Variants in SMOC1 observed in about 807,000 individuals in gnomAD.
The protein encoded by SMOC1 is SPARC-related modular calcium-binding protein 1.
A neutral mutation model predicts 56.3 loss-of-function variants in SMOC1; 22 were observed. The ratio of observed to expected loss-of-function variants is 0.39; its 90% CI spans 0.28 to 0.56. The LOEUF is 0.56. Among genes scored for constraint, SMOC1 ranks in the 20% least tolerant of loss-of-function variants. SMOC1 has a pLI of 0.61. For missense variants in SMOC1, 509 were observed against 565.4 expected (o/e 0.90, Z 1.01); for synonymous variants, 193 against 215.0 (o/e 0.90, Z 0.89).
Position 69,927,413 on chromosome 14 carries a change from G to T in SMOC1, c.100-24725G>T, listed in dbSNP as rs563350336. ...ATGGTAGGAGGAGCCGGGCGTGGTGGCTCACACCTGTAATCCCAGCACTTT... is the reference window on the plus strand; with the variant it reads ...ATGGTAGGAGGAGCCGGGCGTGGTGTCTCACACCTGTAATCCCAGCACTTT... On this transcript the variant is annotated intron_variant, in intron 1 of 11. Transcript: ENST00000361956. Among the ~76,000 whole-genome samples, 10 of 152,328 alleles carry T rather than the reference G, an allele frequency of 6.6e-5. No homozygotes were observed. In the East Asian group the frequency reaches 1.2e-3, roughly 18 times the overall value.
chr14:69,947,642 G>C (rs186274130), intron 1 of SMOC1, among the ~76,000 whole-genome samples: 1 of 151,804 alleles, frequency 6.6e-6, no homozygotes, highest in African/African-American at 2.4e-5. Flanking sequence ...TGAAGACTAC[G>C]CTCCCTCCTC....
chr14:69,975,759 G>A lies in SMOC1; in HGVS notation c.423G>A (p.Pro141=), dbSNP rs149500882. Residue 141 remains proline (P), a synonymous_variant, in exon 4 of 12, where the codon CCG becomes CCA. Coordinates refer to ENST00000361956, the MANE Select transcript of SMOC1 (RefSeq NM_001034852.3). ...TYTGYCWCVT[P]DGKPISGSSV... ...CTGGGTACTGCTGGTGTGTCACCCC[G>A]GATGGGAAGCCCATCAGTGGCTCTT... is the stretch of plus-strand genomic sequence containing the variant. 2.5e-3 allele frequency: 4,047 copies of A among 1,613,032 alleles called. 6 individuals carry two copies. The highest frequency in any genetic ancestry group is 3.0e-3 in the Non-Finnish European group (3,597 of 1,179,970).
At chr14:69,994,114 C>A in intron 6 of SMOC1, 2 of 477,568 alleles carry the variant, frequency 4.2e-6, no homozygotes, top group Non-Finnish European at 7.7e-6. Flanking sequence ...ATGTTCCTTA[C>A]CTCCTGGGAT....
chr14:69,930,209 T>TCCCCTGACAG (rs1566677592), intron 1 of SMOC1, among the ~76,000 whole-genome samples: 22 of 129,152 alleles, frequency 1.7e-4, no homozygotes, highest in African/African-American at 9.1e-4. Flanking sequence ...AGCACCCTTC[T>TCCCCTGACAG]CACCCCCCTG....
intron 11 of SMOC1, among the ~76,000 whole-genome samples, chr14:70,024,256 T>C (rs1308113123): frequency 6.6e-6 from 1 of 152,070 alleles, no homozygotes; most frequent in Non-Finnish European, 1.5e-5. Flanking sequence ...CAGAGCATTG[T>C]AGCAACATAT....
intron 1 of SMOC1, chr14:69,886,197 T>A: frequency 1.2e-6 from 1 of 815,398 alleles, no homozygotes; most frequent in Non-Finnish European, 2.0e-6. Context: ...GGTCCACTTG[T>A]ATTCTAACTT....
chr14:69,953,870 C>A (rs892731050), intron 3 of SMOC1, among the ~76,000 whole-genome samples: 7 of 152,140 alleles, frequency 4.6e-5, no homozygotes, highest in Non-Finnish European at 7.4e-5. Flanking sequence ...TTTTCTTATT[C>A]CTGCCAGTTT....
At chr14:69,904,073 G>C (rs1042731369) in intron 1 of SMOC1, among the ~76,000 whole-genome samples, 6 of 152,186 alleles carry the variant, frequency 3.9e-5, no homozygotes, top group Admixed American at 3.3e-4. Context: ...GGTGAAACCA[G>C]CAGGTGGATG....
chr14:70,020,274 G>A (rs1357114891), intron 10 of SMOC1, among the ~76,000 whole-genome samples: 1 of 152,014 alleles, frequency 6.6e-6, no homozygotes, highest in African/African-American at 2.4e-5. Flanking sequence ...TCTTTGTGTA[G>A]GCTCTCAGAG....
At chr14:70,023,145 G>A (rs1390186523) in intron 10 of SMOC1, 58 bp from the exon 11 acceptor site, 1 of 1,612,652 alleles carries the variant, frequency 6.2e-7, no homozygotes, top group Non-Finnish European at 8.5e-7. Context: ...AGGGCTGATG[G>A]TTCCTGCAAG....
intron 1 of SMOC1, among the ~76,000 whole-genome samples, chr14:69,942,907 A>C (rs970241734): frequency 2.0e-5 from 3 of 152,116 alleles, no homozygotes; most frequent in Non-Finnish European, 4.4e-5. Context: ...TGCTTTGTCA[A>C]ACCCATGGGT....
At chr14:69,910,017 C>G (rs762838870) in intron 1 of SMOC1, among the ~76,000 whole-genome samples, 8 of 152,226 alleles carry the variant, frequency 5.3e-5, no homozygotes, top group Non-Finnish European at 1.2e-4. Context: ...TGGTTTCCTC[C>G]TGGCGACAGA....
chr14:69,993,703 G>T (rs1382367302), intron 6 of SMOC1, among the ~76,000 whole-genome samples: 1 of 152,166 alleles, frequency 6.6e-6, no homozygotes, highest in Admixed American at 6.5e-5. Flanking sequence ...GATCCACAAA[G>T]GTCCTGGATC....
intron 3 of SMOC1, among the ~76,000 whole-genome samples, chr14:69,962,565 T>C (rs934201636): frequency 6.6e-6 from 1 of 152,000 alleles, no homozygotes; most frequent in Non-Finnish European, 1.5e-5. Context: ...AGCTTCTTTT[T>C]TTCTTTTTTC....
At chr14:69,894,879 G>A (rs564191438) in intron 1 of SMOC1, among the ~76,000 whole-genome samples, 26 of 152,308 alleles carry the variant, frequency 1.7e-4, no homozygotes, top group African/African-American at 5.5e-4. Flanking sequence ...ATTCCAGAAA[G>A]CCCAAAATAA....
At chr14:69,948,993 T>TG (rs1882896209) in intron 1 of SMOC1, among the ~76,000 whole-genome samples, 1 of 152,086 alleles carries the variant, frequency 6.6e-6, no homozygotes, top group Non-Finnish European at 1.5e-5. Context: ...CCGGCCCACC[T>TG]GCAAAAAGGA....
At position 69,952,315 on chromosome 14, in the gene SMOC1, C is replaced by T. The variant is rs779474278; in HGVS notation, c.265+12C>T. 2.5e-6 allele frequency: 4 copies of T among 1,613,558 alleles called. No individual in the cohort carries two copies. Among genetic ancestry groups the T allele is most frequent in the Admixed American group, 3.3e-5 (2 of 59,996 alleles). ...AGGTAGATGCAAAGGTGAGTGTGTG[C>T]ACCCCTGCCCAGCCAAGGAGAGGTT... On this transcript the variant is annotated intron_variant, in intron 2 of 11. Coordinates refer to ENST00000361956, the MANE Select transcript of SMOC1 (RefSeq NM_001034852.3).
chr14:69,977,838 C>T (rs1320214812), intron 4 of SMOC1, 80 bp from the exon 5 acceptor site: 1 of 1,061,550 alleles, frequency 9.4e-7, no homozygotes, highest in Non-Finnish European at 1.5e-6. Context: ...CTCATAACAT[C>T]AGGTTTTGCC....
intron 1 of SMOC1, among the ~76,000 whole-genome samples, chr14:69,892,544 C>A (rs781050566): frequency 1.8e-4 from 27 of 152,148 alleles, no homozygotes; most frequent in Non-Finnish European, 3.8e-4. Flanking sequence ...GTTATGAAAA[C>A]TTCCAAATAT....
Sources: allele counts gnomAD v4.1 joint callset (sites outside exome capture counted in the v4.1 genomes callset), GRCh38; gene constraint gnomAD v4.1.1; transcripts MANE v1.5; gene names NCBI Gene and HGNC (gene_info 2026-07-23, HGNC 2026-07-21).